Variants in NEDD4L observed in about 807,000 individuals in gnomAD.
The protein encoded by NEDD4L is NEDD4 like E3 ubiquitin protein ligase.
NEDD4L carries 54 observed loss-of-function variants against 148.9 expected under a neutral mutation model. The observed-to-expected ratio is 0.36, with a 90% CI of 0.29 to 0.45. The LOEUF (loss-of-function observed/expected upper bound fraction) is 0.45, where lower values mean the gene tolerates loss of function less well. Among genes scored for constraint, NEDD4L ranks in the 20% least tolerant of loss-of-function variants. The probability of loss-of-function intolerance (pLI) is 1.00; values close to 1 mark genes in which losing one functional copy is unlikely to be tolerated. For synonymous variants in NEDD4L, 433 were observed against 440.7 expected, an observed-to-expected ratio of 0.98 and a Z score of 0.22; for missense variants, 856 against 1,233.8, an observed-to-expected ratio of 0.69 and a Z score of 4.59.
intron 16 of NEDD4L, among the ~76,000 whole-genome samples, chr18:58,345,673 C>G (rs983797470): frequency 6.6e-6 from 1 of 152,136 alleles, no homozygotes; most frequent in African/African-American, 2.4e-5. Context: ...CTTTTACACA[C>G]ACACAGATAC....
At position 58,127,042 on chromosome 18, in the gene NEDD4L, C is replaced by T. The variant is rs149091473; in HGVS notation, c.49-38746C>T. On this transcript the variant is annotated intron_variant, in intron 1 of 30. Coordinates refer to ENST00000400345, the MANE Select transcript of NEDD4L (RefSeq NM_001144967.3). The stretch of plus-strand genomic sequence containing the variant: ...GTGAGACTGGGGTGACGGCTGCTCG[C>T]GGCTTGGTCACCTTCTTCTCTGCTT... Among the ~76,000 whole-genome samples the T allele has an allele frequency of 1.5e-3, 229 of 152,304 alleles. 1 individual carries two copies. Among genetic ancestry groups the T allele is most frequent in the African/African-American group, 5.3e-3 (219 of 41,560 alleles).
intron 2 of NEDD4L, among the ~76,000 whole-genome samples, chr18:58,199,885 C>A (rs1007040481): frequency 1.3e-5 from 2 of 152,130 alleles, no homozygotes; most frequent in Non-Finnish European, 2.9e-5. Flanking sequence ...AATAAATCAA[C>A]CTTGATGCAT....
intron 11 of NEDD4L, 103 bp from the exon 12 acceptor site, chr18:58,333,715 C>CG (rs1269234057): frequency 1.3e-6 from 1 of 772,750 alleles, no homozygotes; most frequent in Non-Finnish European, 2.3e-6. Context: ...CTTCTAATAT[C>CG]GAAGAGCGGT....
intron 1 of NEDD4L, among the ~76,000 whole-genome samples, chr18:58,061,949 C>T (rs528983457): frequency 6.6e-6 from 1 of 152,114 alleles, no homozygotes; most frequent in Non-Finnish European, 1.5e-5. Flanking sequence ...GGTTATTTTC[C>T]AGTTCTGGGA....
intron 30 of NEDD4L, among the ~76,000 whole-genome samples, chr18:58,391,890 T>C (rs1035081801): frequency 6.6e-6 from 1 of 152,234 alleles, no homozygotes; most frequent in African/African-American, 2.4e-5. Context: ...AATAAACACG[T>C]TGGGTTTTTA....
chr18:58,189,860 A>G (rs1599526226), intron 2 of NEDD4L: 2 of 152,162 alleles, frequency 1.3e-5, no homozygotes, highest in African/African-American at 4.8e-5. Flanking sequence ...TGGGTCATCC[A>G]GCAGAAGTCA....
At chr18:58,063,245 C>G (rs1186717442) in intron 1 of NEDD4L, among the ~76,000 whole-genome samples, 2 of 151,186 alleles carry the variant, frequency 1.3e-5, no homozygotes, top group African/African-American at 4.9e-5. Flanking sequence ...TTTGTAGAGA[C>G]AAGTTCGTGC....
chr18:58,263,635 G>A (rs1297730036), intron 5 of NEDD4L, among the ~76,000 whole-genome samples: 5 of 145,798 alleles, frequency 3.4e-5, no homozygotes, highest in East Asian at 2.0e-4. Context: ...ATTTTCAAGC[G>A]TGATAATAAA....
intron 2 of NEDD4L, among the ~76,000 whole-genome samples, chr18:58,243,175 G>T (rs139198999): frequency 6.6e-6 from 1 of 152,132 alleles, no homozygotes; most frequent in Non-Finnish European, 1.5e-5. Context: ...TATAATAGCC[G>T]GCAATCATGA....
chr18:58,364,967 T>A (rs1260276361), intron 20 of NEDD4L, among the ~76,000 whole-genome samples: 4 of 152,216 alleles, frequency 2.6e-5, no homozygotes, highest in Admixed American at 2.6e-4. Context: ...GATTCCTCCT[T>A]AGCAGTTTTC....
chr18:58,398,204 A>G lies in NEDD4L; in HGVS notation c.*1935A>G, dbSNP rs967815641. 1 of 139,522 alleles carries G rather than the reference A, an allele frequency of 7.2e-6. No homozygotes were observed. Among genetic ancestry groups the G allele is most frequent in the Non-Finnish European group, 1.5e-5 (1 of 65,822 alleles). The allele number at this position is 139,522 out of a possible 1,614,324, so 8.6% of individuals were successfully genotyped here. A position where few individuals can be genotyped will look rare whatever the true frequency, so the allele number is the denominator to read the frequency against. On this transcript the variant is annotated 3_prime_UTR_variant, in exon 31 of 31. Coordinates refer to ENST00000400345, the MANE Select transcript of NEDD4L (RefSeq NM_001144967.3). ...AAAAAAAAAAAAAAAATTCCCGCTC[A>G]TGAGTTTTGACTATTGGTGAGATGT...
intron 1 of NEDD4L, among the ~76,000 whole-genome samples, chr18:58,062,631 G>C (rs1039882113): frequency 1.3e-4 from 20 of 152,166 alleles, no homozygotes; most frequent in African/African-American, 4.8e-4. Flanking sequence ...CTGCTTTTCA[G>C]ATCCCATGTT....
intron 1 of NEDD4L, among the ~76,000 whole-genome samples, chr18:58,117,210 G>A (rs2085903790): frequency 6.6e-6 from 1 of 152,206 alleles, no homozygotes; most frequent in African/African-American, 2.4e-5. Flanking sequence ...ATGTAAATCA[G>A]CACATATATT....
At chr18:58,239,166 T>C (rs2046354269) in intron 2 of NEDD4L, among the ~76,000 whole-genome samples, 1 of 152,244 alleles carries the variant, frequency 6.6e-6, no homozygotes, top group Non-Finnish European at 1.5e-5. Context: ...AAATTTGCTG[T>C]ATAGTGCTGT....
At chr18:58,111,908 G>T (rs2085441787) in intron 1 of NEDD4L, among the ~76,000 whole-genome samples, 1 of 152,154 alleles carries the variant, frequency 6.6e-6, no homozygotes, top group African/African-American at 2.4e-5. Flanking sequence ...CCCCCCAGCA[G>T]TGTCTGAGGG....
At chr18:58,379,528 T>G (rs2048047630) in intron 24 of NEDD4L, among the ~76,000 whole-genome samples, 1 of 152,066 alleles carries the variant, frequency 6.6e-6, no homozygotes, top group African/African-American at 2.4e-5. Context: ...GAGACAGGAA[T>G]GAAGGCCCGC....
At chr18:58,062,133 A>G (rs1019824307) in intron 1 of NEDD4L, among the ~76,000 whole-genome samples, 1 of 152,174 alleles carries the variant, frequency 6.6e-6, no homozygotes, top group Non-Finnish European at 1.5e-5. Context: ...CTTTGTTGAG[A>G]TTGAGATAGT....
At chr18:58,225,326 G>A (rs1383603700) in intron 2 of NEDD4L, among the ~76,000 whole-genome samples, 1 of 152,148 alleles carries the variant, frequency 6.6e-6, no homozygotes, top group South Asian at 2.1e-4. Flanking sequence ...CAATAACCAG[G>A]TTAGGGAAAA....
intron 9 of NEDD4L, 96 bp downstream of exon 9, chr18:58,325,258 A>G: frequency 7.0e-7 from 1 of 1,421,714 alleles, no homozygotes; most frequent in Non-Finnish European, 9.8e-7. Flanking sequence ...GAAATAAATC[A>G]TATGTCTATA....
Sources: gnomAD v4.1 joint callset for allele counts (sites outside exome capture counted in the v4.1 genomes callset) on GRCh38, gnomAD v4.1.1 for gene constraint, MANE v1.5 for transcripts, NCBI Gene and HGNC (gene_info 2026-07-23, HGNC 2026-07-21) for gene names.